Variants in HOMER2 observed in about 807,000 individuals in gnomAD.
HOMER2 encodes the protein homer protein homolog 2.
In HOMER2, 27 loss-of-function variants were observed where a neutral mutation model predicts 47.0. That is an observed-to-expected ratio of 0.57 (90% CI 0.42 to 0.79). The LOEUF is 0.79. Among genes scored for constraint, HOMER2 ranks in the 30% least tolerant of loss-of-function variants. The probability of loss-of-function intolerance (pLI) is 0.00; values close to 1 mark genes in which losing one functional copy is unlikely to be tolerated. For synonymous variants in HOMER2, 161 were observed against 163.8 expected (o/e 0.98, Z 0.13); for missense variants, 443 against 435.0 (o/e 1.02, Z -0.16).
In HOMER2 at chr15:82,849,668, G is replaced by A. The variant is rs765081496; in HGVS notation, c.*47C>T. ...GAACGTCCTAGAGCTATCTGGTCTC[G>A]CACACACGCTTGGGACTCACGGGCG... On this transcript the variant is annotated 3_prime_UTR_variant, in exon 9 of 9. Coordinates refer to ENST00000450735, the MANE Select transcript of HOMER2 (RefSeq NM_004839.4). 22 of 1,543,540 alleles carry A rather than the reference G, an allele frequency of 1.4e-5. No homozygotes were observed. The highest frequency in any genetic ancestry group is 4.6e-5 in the East Asian group (2 of 43,492).
intron 1 of HOMER2, among the ~76,000 whole-genome samples, chr15:82,963,391 G>A (rs764355616): frequency 7.2e-5 from 11 of 152,038 alleles, no homozygotes; most frequent in Non-Finnish European, 1.6e-4. Context: ...CACTGGGTCT[G>A]CCATCTCTTC....
At chr15:82,908,193 C>T (rs1035362039) in intron 1 of HOMER2, among the ~76,000 whole-genome samples, 1 of 151,928 alleles carries the variant, frequency 6.6e-6, no homozygotes, top group Non-Finnish European at 1.5e-5. Flanking sequence ...GTGATGGTTC[C>T]AAAGTCTCTG....
At chr15:82,865,233 G>GA (rs1373754034) in intron 3 of HOMER2, among the ~76,000 whole-genome samples, 1 of 152,220 alleles carries the variant, frequency 6.6e-6, no homozygotes, top group Non-Finnish European at 1.5e-5. Context: ...GCTGGCAGAG[G>GA]AAAATCACAT....
chr15:82,865,736 G>A (rs909401346), intron 3 of HOMER2, among the ~76,000 whole-genome samples: 1 of 152,212 alleles, frequency 6.6e-6, no homozygotes, highest in African/African-American at 2.4e-5. Flanking sequence ...ACTAGGAGGG[G>A]CCAAGGGACA....
rs771494593 is a variant in HOMER2, at chr15:82,859,111, C to A, written c.412G>T (p.Asp138Tyr). Residue 138 changes from aspartate (D) to tyrosine (Y), a missense_variant, in exon 5 of 9, where the codon GAT becomes TAT. Asp to Tyr is a radical substitution (Grantham distance 160). Coordinates refer to ENST00000450735, the MANE Select transcript of HOMER2 (RefSeq NM_004839.4). ...SQASSVNGTD[D>Y]EKASHAGPAN... is the part of the protein sequence containing the mutation. ...GGACCGGCGTGAGAGGCCTTTTCATCGTCCGTCCCGTTGACACTGGATGCC... is the reference window on the plus strand; with the variant it reads ...GGACCGGCGTGAGAGGCCTTTTCATAGTCCGTCCCGTTGACACTGGATGCC... The A allele has an allele frequency of 1.9e-6, 3 of 1,613,990 alleles. No homozygotes were observed. The highest frequency in any genetic ancestry group is 2.2e-5 in the South Asian group (2 of 91,086).
downstream of HOMER2, chr15:82,836,135 C>T (rs1174730159): frequency 1.3e-5 from 2 of 152,272 alleles, no homozygotes; most frequent in East Asian, 3.8e-4. Context: ...TCAACGCTTC[C>T]TTTCCTCCTC....
At chr15:82,896,209 G>A (rs935069538) in intron 1 of HOMER2, among the ~76,000 whole-genome samples, 1 of 152,140 alleles carries the variant, frequency 6.6e-6, no homozygotes, top group African/African-American at 2.4e-5. Flanking sequence ...GCCTGTGGTG[G>A]CCCAGCAGTA....
At chr15:82,836,077 G>A (rs566800778), downstream of HOMER2, 1 of 152,208 alleles carries the variant, frequency 6.6e-6, no homozygotes, top group African/African-American at 2.4e-5. Flanking sequence ...CTTTTCAAAA[G>A]AACGTTCTCA....
In HOMER2 at chr15:82,849,688, C is replaced by G; in HGVS notation, c.*27G>C. 1.2e-6 allele frequency: 2 copies of G among 1,600,042 alleles called. No individual in the cohort carries two copies. Among genetic ancestry groups the G allele is most frequent in the South Asian group, 1.1e-5 (1 of 89,478 alleles). On this transcript the variant is annotated 3_prime_UTR_variant, in exon 9 of 9. Coordinates refer to ENST00000450735, the MANE Select transcript of HOMER2 (RefSeq NM_004839.4). ...GTCTCGCACACACGCTTGGGACTCA[C>G]GGGCGGGGCCTGGGCCTCGGCCAGC...
intron 4 of HOMER2, among the ~76,000 whole-genome samples, chr15:82,861,349 A>G (rs2051782907): frequency 6.6e-6 from 1 of 152,240 alleles, no homozygotes; most frequent in African/African-American, 2.4e-5. Context: ...CTGTGATACC[A>G]ACACTAGAAT....
intron 2 of HOMER2, among the ~76,000 whole-genome samples, chr15:82,882,906 T>A (rs1309151361): frequency 1.2e-4 from 3 of 25,832 alleles, no homozygotes; most frequent in Admixed American, 4.4e-4. Flanking sequence ...TTTTTTTTTT[T>A]ATTATACTCT....
chr15:82,973,198 C>T (rs1365809515), intron 1 of HOMER2, among the ~76,000 whole-genome samples: 2 of 152,238 alleles, frequency 1.3e-5, no homozygotes, highest in Admixed American at 6.5e-5. Context: ...TAGTCTCTCA[C>T]CACAGAGCAA....
chr15:82,892,955 C>T, intron 1 of HOMER2, 114 bp from the exon 2 acceptor site: 2 of 746,698 alleles, frequency 2.7e-6, no homozygotes, highest in Non-Finnish European at 3.9e-6. Flanking sequence ...GGGAAACATA[C>T]ATATGCATGA....
At chr15:82,867,051 A>C (rs1410062210) in intron 3 of HOMER2, among the ~76,000 whole-genome samples, 1 of 152,218 alleles carries the variant, frequency 6.6e-6, no homozygotes, top group Non-Finnish European at 1.5e-5. Flanking sequence ...GGGGAAACAG[A>C]AATTAATGAG....
In HOMER2 at chr15:82,882,348, C is replaced by T. The variant is rs141904537; in HGVS notation, c.163-6944G>A. Among the ~76,000 whole-genome samples, 973 of 152,318 alleles carry T rather than the reference C, an allele frequency of 6.4e-3. 6 individuals carry two copies. Among genetic ancestry groups the T allele is most frequent in the African/African-American group, 0.022 (918 of 41,580 alleles). On this transcript the variant is annotated intron_variant, in intron 2 of 8. Coordinates refer to ENST00000450735, the MANE Select transcript of HOMER2 (RefSeq NM_004839.4). ...CTCATTCCCCCACCCCCTTCTATGG[C>T]GTTGCCCACCCTGGCTTGGTGCTAG...
rs555805939 is a variant in HOMER2 at position 82,868,523 on chromosome 15, T to A, written c.295-4264A>T. On this transcript the variant is annotated intron_variant, in intron 3 of 8. Coordinates refer to ENST00000450735, the MANE Select transcript of HOMER2 (RefSeq NM_004839.4). ...AAGTTATATATATCACTTATTTATT[T>A]TATATATATATATATATATTTTTTT... is the stretch of plus-strand genomic sequence containing the variant. 2.9e-3 allele frequency among the ~76,000 whole-genome samples: 105 copies of A among 36,562 alleles called. 4 individuals carry two copies. Among genetic ancestry groups the A allele is most frequent in the South Asian group, 0.013 (7 of 548 alleles). 24.0% of individuals were successfully genotyped at this position (36,562 alleles called of 152,430 possible). A position where few individuals can be genotyped will look rare whatever the true frequency, so the allele number is the denominator to read the frequency against.
At chr15:82,892,617 G>A in intron 2 of HOMER2, 68 bp downstream of exon 2, 1 of 1,264,796 alleles carries the variant, frequency 7.9e-7, no homozygotes. Flanking sequence ...AAGACGGCAG[G>A]ATTTTGGGTG....
chr15:82,948,528 A>G (rs1193085067), intron 1 of HOMER2, among the ~76,000 whole-genome samples: 1 of 152,160 alleles, frequency 6.6e-6, no homozygotes, highest in Non-Finnish European at 1.5e-5. Flanking sequence ...GTGCCACTGC[A>G]CTCCTGCCTG....
intron 1 of HOMER2, among the ~76,000 whole-genome samples, chr15:82,961,699 A>C (rs2054631910): frequency 6.6e-6 from 1 of 151,856 alleles, no homozygotes; most frequent in African/African-American, 2.4e-5. Context: ...AGTGGCACTA[A>C]GTATATTCAC....
Sources: gnomAD v4.1 joint callset for allele counts (sites outside exome capture counted in the v4.1 genomes callset) on GRCh38, gnomAD v4.1.1 for gene constraint, MANE v1.5 for transcripts, NCBI Gene and HGNC (gene_info 2026-07-23, HGNC 2026-07-21) for gene names.